The following TGFBI variants were observed in gnomAD, a reference collection of about 807,000 sequenced individuals.
TGFBI encodes the protein transforming growth factor beta induced, also known as transforming growth factor-beta-induced protein ig-h3.
A neutral mutation model predicts 73.7 loss-of-function variants in TGFBI; 50 were observed. That is an observed-to-expected ratio of 0.68 (90% CI 0.54 to 0.86). The LOEUF (loss-of-function observed/expected upper bound fraction) is 0.86. TGFBI is among the 40% of genes least tolerant of loss of function. The pLI is 0.00. For synonymous variants in TGFBI, 362 were observed against 360.5 expected, an observed-to-expected ratio of 1.00 and a Z score of -0.05; for missense variants, 839 against 877.0, an observed-to-expected ratio of 0.96 and a Z score of 0.55.
At chr5:136,030,815 T>C (rs567128933) in intron 1 of TGFBI, among the ~76,000 whole-genome samples, 48 of 152,230 alleles carry the variant, frequency 3.2e-4, no homozygotes, top group South Asian at 2.1e-3. Flanking sequence ...CAGGAGAAGA[T>C]CCTTATAGCA....
chr5:136,036,047 G>C (rs1201396454), intron 2 of TGFBI, among the ~76,000 whole-genome samples: 2 of 152,160 alleles, frequency 1.3e-5, no homozygotes, highest in Non-Finnish European at 2.9e-5. Context: ...CTGTATCTTT[G>C]TGTGCCAGGA....
At chr5:136,029,819 A>G (rs1751084446) in intron 1 of TGFBI, among the ~76,000 whole-genome samples, 1 of 152,194 alleles carries the variant, frequency 6.6e-6, no homozygotes, top group South Asian at 2.1e-4. Context: ...AAATGGGGAA[A>G]CTGAGTCCTG....
At position 136,047,490 on chromosome 5, in the gene TGFBI, C is replaced by G. The variant is rs1398512289; in HGVS notation, c.771+70C>G. 4 of 1,586,412 alleles carry G rather than the reference C, an allele frequency of 2.5e-6. No individual in the cohort carries two copies. The African/African-American group carries it at 4.0e-5, about 16-fold the overall frequency. On this transcript the variant is annotated intron_variant, in intron 6 of 16. Transcript: ENST00000442011. ...CCTCCCAAGAGGGGCCTAGCAGGAA[C>G]TCTTCTGCAGGAGAGGTAGAGGATG... is the stretch of plus-strand genomic sequence containing the variant.
intron 3 of TGFBI, among the ~76,000 whole-genome samples, chr5:136,045,576 C>A (rs1008617210): frequency 1.1e-4 from 16 of 151,734 alleles, no homozygotes; most frequent in African/African-American, 3.6e-4. Flanking sequence ...ATAAATAAAT[C>A]ATGAGACTGA....
Position 136,040,032 on chromosome 5 carries a change from G to A in TGFBI, c.234-4026G>A, listed in dbSNP as rs138456879. On this transcript the variant is annotated intron_variant, in intron 2 of 16. Coordinates refer to ENST00000442011, the MANE Select transcript of TGFBI (RefSeq NM_000358.3). ...CCATTCCTTGTTCCAACGACTTCTC[G>A]AGTATAATTAATCCCCAGGCATTTA... 2.4e-3 allele frequency among the ~76,000 whole-genome samples: 368 copies of A among 152,320 alleles called. 2 individuals carry two copies. Among genetic ancestry groups the A allele is most frequent in the Middle Eastern group, 0.014 (4 of 294 alleles).
chr5:136,048,755 G>C (rs1158496851), intron 6 of TGFBI: 3 of 152,728 alleles, frequency 2.0e-5, no homozygotes, highest in African/African-American at 7.2e-5. Flanking sequence ...GCTCAGGGCA[G>C]GAAGGGCAAG....
intron 12 of TGFBI, among the ~76,000 whole-genome samples, chr5:136,058,524 C>G (rs781675107): frequency 6.6e-6 from 1 of 152,152 alleles, no homozygotes; most frequent in East Asian, 1.9e-4. Context: ...GAGGGAATAT[C>G]CCCCTCAGCC....
chr5:136,062,695 T>G lies in TGFBI; in HGVS notation c.2011+8T>G. On this transcript the variant is annotated splice_region_variant and intron_variant, in intron 16 of 16. Coordinates refer to ENST00000442011, the MANE Select transcript of TGFBI (RefSeq NM_000358.3). ...AGAGGTCTGTGCGACTAGGTGAGTC[T>G]GGTCTGGGTTTGAAGTCATTGCAGA... 6.4e-7 allele frequency: 1 copy of G among 1,566,972 alleles called. No homozygotes were observed. The highest frequency in any genetic ancestry group is 8.7e-7 in the Non-Finnish European group (1 of 1,154,190).
chr5:136,029,826 C>A (rs1751084507), intron 1 of TGFBI, among the ~76,000 whole-genome samples: 1 of 152,214 alleles, frequency 6.6e-6, no homozygotes, highest in Non-Finnish European at 1.5e-5. Flanking sequence ...GAAACTGAGT[C>A]CTGAGTGGTT....
At chr5:136,030,362 G>A (rs1036983754) in intron 1 of TGFBI, among the ~76,000 whole-genome samples, 2 of 152,176 alleles carry the variant, frequency 1.3e-5, no homozygotes, top group African/African-American at 4.8e-5. Context: ...ACGGGTACAG[G>A]CTGCCCCTTG....
At chr5:136,062,749 C>T in intron 16 of TGFBI, 62 bp downstream of exon 16, 1 of 1,512,880 alleles carries the variant, frequency 6.6e-7, no homozygotes. Flanking sequence ...CCAAGCAAGC[C>T]CAAGCCTGCC....
rs372357157 is a variant in TGFBI at position 136,047,257 on chromosome 5, G to A, written c.625-17G>A. ...TCTGTTGTGTTGACTGCTCATCCTT[G>A]CTGCTTCTCTGGGCAGATTGTAACT... On this transcript the variant is annotated splice_polypyrimidine_tract_variant and intron_variant, in intron 5 of 16. Transcript: ENST00000442011. 1.7e-5 allele frequency: 27 copies of A among 1,612,802 alleles called. No homozygotes were observed. In the South Asian group the frequency reaches 2.9e-4, roughly 17 times the overall value.
intron 9 of TGFBI, 98 bp from the exon 10 acceptor site, chr5:136,054,618 T>C: frequency 6.5e-7 from 1 of 1,537,980 alleles, no homozygotes; most frequent in Non-Finnish European, 9.0e-7. Flanking sequence ...GTTTCCAAAC[T>C]CAAGGAGGGA....
intron 14 of TGFBI, chr5:136,061,286 C>T (rs978396490): frequency 1.7e-6 from 1 of 597,148 alleles, no homozygotes; most frequent in Non-Finnish European, 3.0e-6. Context: ...TGCAGTTGAA[C>T]CTCAGTCCTG....
chr5:136,059,245 A>C, intron 13 of TGFBI, 31 bp downstream of exon 13: 1 of 1,604,562 alleles, frequency 6.2e-7, no homozygotes, highest in African/African-American at 1.3e-5. Flanking sequence ...AGGCTGGCTA[A>C]ATTTCCCCAG....
chr5:136,047,571 T>A, intron 6 of TGFBI, 151 bp downstream of exon 6: 1 of 886,990 alleles, frequency 1.1e-6, no homozygotes, highest in Non-Finnish European at 1.7e-6. Flanking sequence ...ACATGGAGAA[T>A]TCATTGACCA....
intron 10 of TGFBI, chr5:136,055,128 A>G: frequency 2.3e-6 from 1 of 425,676 alleles, no homozygotes; most frequent in Non-Finnish European, 4.2e-6. Context: ...TTCAGGAATT[A>G]ACACCTGGGA....
chr5:136,029,136 G>A lies in TGFBI; in HGVS notation c.81G>A (p.Lys27=), dbSNP rs1480491452. ...GPAATLAGPA[K]SPYQLVLQHS... ...CCGCGACCCTGGCGGGTCCCGCCAA[G>A]TCGCCCTACCAGCTGGTGCTGCAGC... The change falls in exon 1 of 17, where the codon AAG becomes AAA. Residue 27 remains lysine, a synonymous_variant. Coordinates refer to ENST00000442011, the MANE Select transcript of TGFBI (RefSeq NM_000358.3). 5.2e-6 allele frequency: 8 copies of A among 1,525,168 alleles called. No individual in the cohort carries two copies. The highest frequency in any genetic ancestry group is 1.4e-5 in the African/African-American group (1 of 71,230). 94.5% of individuals were successfully genotyped at this position (1,525,168 alleles called of 1,614,324 possible). A position where few individuals can be genotyped will look rare whatever the true frequency, so the allele number is the denominator to read the frequency against.
At chr5:136,031,461 C>T (rs866975893) in intron 1 of TGFBI, among the ~76,000 whole-genome samples, 10 of 152,238 alleles carry the variant, frequency 6.6e-5, no homozygotes, top group Admixed American at 5.2e-4. Flanking sequence ...CTTTTGCTTT[C>T]GACCTCACCA....
Sources: allele counts gnomAD v4.1 joint callset (sites outside exome capture counted in the v4.1 genomes callset), GRCh38; gene constraint gnomAD v4.1.1; transcripts MANE v1.5; gene names NCBI Gene and HGNC (gene_info 2026-07-23, HGNC 2026-07-21).